PTPRO: variants seen among roughly 807,000 people sequenced by gnomAD.
PTPRO encodes the protein protein tyrosine phosphatase receptor type O.
In PTPRO, 62 loss-of-function variants were observed where a neutral mutation model predicts 145.2. The ratio of observed to expected loss-of-function variants is 0.43; its 90% CI spans 0.35 to 0.53. PTPRO has a LOEUF of 0.53. Among genes scored for constraint, PTPRO ranks in the 20% least tolerant of loss-of-function variants. The probability of loss-of-function intolerance (pLI) is 0.01; values close to 1 mark genes in which losing one functional copy is unlikely to be tolerated. For synonymous variants in PTPRO, 565 were observed against 514.7 expected, an observed-to-expected ratio of 1.10 and a Z score of -1.32; for missense variants, 1,345 against 1,482.7, an observed-to-expected ratio of 0.91 and a Z score of 1.53.
At chr12:15,382,545 G>A (rs910928868) in intron 1 of PTPRO, among the ~76,000 whole-genome samples, 25 of 152,318 alleles carry the variant, frequency 1.6e-4, no homozygotes, top group Admixed American at 1.5e-3. Flanking sequence ...GCCCATGCTG[G>A]TCACACCGCA....
At position 15,360,619 on chromosome 12, in the gene PTPRO, C is replaced by A. The variant is rs190643885; in HGVS notation, c.75+37818C>A. Among the ~76,000 whole-genome samples the A allele has an allele frequency of 1.7e-3, 254 of 150,264 alleles. 1 individual carries two copies. Among genetic ancestry groups the A allele is most frequent in the East Asian group, 3.3e-3 (17 of 5,094 alleles). ...AGTATCTCTCTTTCTCTCTCTCTCT[C>A]TATATATATATGTGTGTGTGTATAT... On this transcript the variant is annotated intron_variant, in intron 1 of 26. Coordinates refer to ENST00000281171, the MANE Select transcript of PTPRO (RefSeq NM_030667.3).
chr12:15,585,666 C>T (rs942338438), intron 23 of PTPRO, among the ~76,000 whole-genome samples: 9 of 152,246 alleles, frequency 5.9e-5, no homozygotes, highest in East Asian at 3.9e-4. Context: ...AAACTGACAG[C>T]GAGGCCAAGC....
Position 15,415,626 on chromosome 12 carries a change from C to T in PTPRO, c.76-68348C>T, listed in dbSNP as rs892112599. On this transcript the variant is annotated intron_variant, in intron 1 of 26. Coordinates refer to ENST00000281171, the MANE Select transcript of PTPRO (RefSeq NM_030667.3). ...GGTCTCGATCTCCCGACCTTGTGAT[C>T]CGCCCACCCTGGCCTCCCAAAGTGC... 4.0e-5 allele frequency among the ~76,000 whole-genome samples: 6 copies of T among 151,834 alleles called. No individual in the cohort carries two copies. The East Asian group carries it at 1.2e-3, about 29-fold the overall frequency.
chr12:15,399,044 A>C (rs1222374646), intron 1 of PTPRO, among the ~76,000 whole-genome samples: 2 of 152,180 alleles, frequency 1.3e-5, no homozygotes, highest in African/African-American at 2.4e-5. Flanking sequence ...AGGATTTCCA[A>C]ATTAGTTGAA....
intron 1 of PTPRO, among the ~76,000 whole-genome samples, chr12:15,479,612 G>T (rs1431956310): frequency 6.6e-6 from 1 of 152,196 alleles, no homozygotes; most frequent in Non-Finnish European, 1.5e-5. Context: ...CAGAGCATTT[G>T]CTCTCCTAAA....
intron 12 of PTPRO, 55 bp from the exon 13 acceptor site, chr12:15,546,514 A>T: frequency 1.3e-6 from 2 of 1,547,262 alleles, no homozygotes; most frequent in East Asian, 4.9e-5. Flanking sequence ...TTAGTGAAAG[A>T]AGAAAGAATA....
intron 7 of PTPRO, among the ~76,000 whole-genome samples, chr12:15,510,046 A>G (rs974964583): frequency 6.6e-6 from 1 of 152,188 alleles, no homozygotes; most frequent in Non-Finnish European, 1.5e-5. Flanking sequence ...GGCAAAAGGA[A>G]AAAAATAATT....
chr12:15,534,538 A>G (rs1469659943), intron 12 of PTPRO, among the ~76,000 whole-genome samples: 2 of 152,162 alleles, frequency 1.3e-5, no homozygotes, highest in South Asian at 2.1e-4. Context: ...AGTGCTGTAC[A>G]GTGCTCTACA....
chr12:15,556,741 C>T (rs1943637523), intron 15 of PTPRO, among the ~76,000 whole-genome samples: 3 of 152,136 alleles, frequency 2.0e-5, no homozygotes, highest in Admixed American at 2.0e-4. Context: ...AAACAAAACC[C>T]TACAAAGAAT....
At chr12:15,464,978 A>T (rs1941385537) in intron 1 of PTPRO, among the ~76,000 whole-genome samples, 1 of 152,214 alleles carries the variant, frequency 6.6e-6, no homozygotes, top group Non-Finnish European at 1.5e-5. Context: ...TTTGAAATAC[A>T]TATGGTAGCA....
At chr12:15,361,354 G>A (rs755007248) in intron 1 of PTPRO, among the ~76,000 whole-genome samples, 21 of 148,564 alleles carry the variant, frequency 1.4e-4, no homozygotes, top group South Asian at 4.3e-4. Context: ...CAGGAGAATC[G>A]CTTGAACCTG....
chr12:15,536,280 G>C (rs1943063674), intron 12 of PTPRO, among the ~76,000 whole-genome samples: 1 of 152,164 alleles, frequency 6.6e-6, no homozygotes, highest in South Asian at 2.1e-4. Flanking sequence ...GTGCTGTGGG[G>C]GATGGGTGCA....
At chr12:15,451,696 T>C (rs1941050135) in intron 1 of PTPRO, among the ~76,000 whole-genome samples, 1 of 152,192 alleles carries the variant, frequency 6.6e-6, no homozygotes. Context: ...AAAGGAACTT[T>C]CAAAACCATG....
chr12:15,459,698 G>T (rs978318715), intron 1 of PTPRO, among the ~76,000 whole-genome samples: 5 of 152,190 alleles, frequency 3.3e-5, no homozygotes, highest in African/African-American at 1.2e-4. Flanking sequence ...TCTTGCTGAT[G>T]TTACTGTCCT....
intron 2 of PTPRO, 47 bp downstream of exon 2, chr12:15,484,294 T>C: frequency 1.2e-6 from 2 of 1,607,184 alleles, no homozygotes; most frequent in South Asian, 1.1e-5. Context: ...ATTGTTCCCC[T>C]GTTTCTTCCC....
Position 15,546,574 on chromosome 12 carries a change from G to A in PTPRO, c.2170G>A (p.Ala724Thr), listed in dbSNP as rs1943295993. Residue 724 changes from alanine to threonine, a missense_variant, in exon 13 of 27, where the codon GCT becomes ACT. Around this residue, in one of 3 missense-constraint regions of PTPRO, gnomAD observed 1,130 missense variants for 1,214.7 expected, o/e 0.93. Transcript: ENST00000281171. ...SMLRLVKLEP[A>T]PPKSLFAVNK... ...AAAACTTTGTCTTTGCTCAGAACCA[G>A]CTCCACCCAAATCACTCTTCGCAGT... 4 of 1,604,958 alleles carry A rather than the reference G, an allele frequency of 2.5e-6. No homozygotes were observed. Among genetic ancestry groups the A allele is most frequent in the Non-Finnish European group, 3.4e-6 (4 of 1,175,138 alleles).
chr12:15,553,327 A>C (rs1050097679), intron 15 of PTPRO, among the ~76,000 whole-genome samples: 12 of 152,202 alleles, frequency 7.9e-5, no homozygotes, highest in African/African-American at 2.9e-4. Flanking sequence ...AAAGGAAACA[A>C]GGTCAGGTAA....
chr12:15,533,578 C>T lies in PTPRO; in HGVS notation c.2164+7316C>T, dbSNP rs183074965. On this transcript the variant is annotated intron_variant, in intron 12 of 26. Transcript: ENST00000281171. ...CATAGTATTGCAGTTAATATTTAAT[C>T]GGAACAAGTTTAACCTTTCAGAGAA... Among the ~76,000 whole-genome samples the T allele has an allele frequency of 1.3e-3, 195 of 152,218 alleles. 1 individual carries two copies. In the East Asian group the frequency reaches 0.017, roughly 13 times the overall value.
At chr12:15,503,811 T>A (rs1942267320) in intron 5 of PTPRO, 97 bp from the exon 6 acceptor site, 1 of 984,890 alleles carries the variant, frequency 1.0e-6, no homozygotes, top group Non-Finnish European at 1.5e-6. Context: ...AGGGAACATT[T>A]AAAACACCTA....
Sources: allele counts gnomAD v4.1 joint callset (sites outside exome capture counted in the v4.1 genomes callset), GRCh38; gene constraint gnomAD v4.1.1; regional missense constraint gnomAD v4.1.1; transcripts MANE v1.5; gene names NCBI Gene and HGNC (gene_info 2026-07-23, HGNC 2026-07-21).